Variants in DGKB observed in about 807,000 individuals in gnomAD.
DGKB encodes the protein 90 kDa diacylglycerol kinase.
A neutral mutation model predicts 114.3 loss-of-function variants in DGKB; 67 were observed. The observed-to-expected ratio is 0.59, with a 90% CI of 0.48 to 0.72. DGKB has a LOEUF of 0.72. DGKB is among the 30% of genes least tolerant of loss of function. The pLI, the probability that DGKB is intolerant of heterozygous loss-of-function variation, is 0.00. For missense variants in DGKB, 907 were observed against 975.2 expected (o/e 0.93, Z 0.93); for synonymous variants, 398 against 323.1 (o/e 1.23, Z -2.49).
chr7:14,574,403 G>T, intron 19 of DGKB, 31 bp from the exon 20 acceptor site: 1 of 1,580,172 alleles, frequency 6.3e-7, no homozygotes, highest in Non-Finnish European at 8.6e-7. Flanking sequence ...CTTGAGAAAA[G>T]AACTCTAACC....
At chr7:14,383,842 G>C (rs1488940853) in intron 21 of DGKB, among the ~76,000 whole-genome samples, 1 of 152,138 alleles carries the variant, frequency 6.6e-6, no homozygotes, top group East Asian at 1.9e-4. Context: ...TTCAAATCTG[G>C]GTTCTAATAG....
chr7:14,651,148 G>T (rs1038358049), intron 13 of DGKB, among the ~76,000 whole-genome samples: 62 of 152,226 alleles, frequency 4.1e-4, no homozygotes, highest in African/African-American at 1.3e-3. Context: ...CTCATTTGAT[G>T]AGGCCAGCAT....
intron 13 of DGKB, among the ~76,000 whole-genome samples, chr7:14,642,328 TCTAA>T (rs557317991): frequency 1.6e-3 from 244 of 152,290 alleles, no homozygotes; most frequent in African/African-American, 5.3e-3. Context: ...ATGGCATTCA[TCTAA>T]CTTTTATCTG....
At chr7:14,387,570 G>A (rs1464484997) in intron 21 of DGKB, among the ~76,000 whole-genome samples, 2 of 152,004 alleles carry the variant, frequency 1.3e-5, no homozygotes, top group South Asian at 2.1e-4. Flanking sequence ...GTGCCAACAT[G>A]CTCAGCTAAT....
chr7:14,870,319 T>C (rs1265381586), intron 1 of DGKB, among the ~76,000 whole-genome samples: 1 of 152,158 alleles, frequency 6.6e-6, no homozygotes, highest in Non-Finnish European at 1.5e-5. Flanking sequence ...ATTGAATAAA[T>C]GAGTAAAATG....
intron 5 of DGKB, among the ~76,000 whole-genome samples, chr7:14,726,789 G>C (rs1830097457): frequency 6.6e-6 from 1 of 152,124 alleles, no homozygotes; most frequent in Admixed American, 6.5e-5. Flanking sequence ...GTTTTTGATA[G>C]ATATACAACT....
chr7:14,686,744 C>T (rs1164804981), intron 9 of DGKB, among the ~76,000 whole-genome samples: 1 of 152,010 alleles, frequency 6.6e-6, no homozygotes, highest in Non-Finnish European at 1.5e-5. Context: ...GTCAAATTTG[C>T]CTCACAACAT....
intron 13 of DGKB, among the ~76,000 whole-genome samples, chr7:14,661,325 C>T (rs1228559985): frequency 6.8e-6 from 1 of 146,578 alleles, no homozygotes; most frequent in African/African-American, 2.5e-5. Context: ...GGCTAATATC[C>T]AGAATCTACA....
intron 21 of DGKB, among the ~76,000 whole-genome samples, chr7:14,359,596 C>A (rs1815291425): frequency 6.6e-6 from 1 of 151,632 alleles, no homozygotes; most frequent in South Asian, 2.1e-4. Flanking sequence ...TCAGAATCTA[C>A]AAAGAACTTA....
At chr7:14,809,403 A>C (rs949153602) in intron 2 of DGKB, among the ~76,000 whole-genome samples, 1 of 152,236 alleles carries the variant, frequency 6.6e-6, no homozygotes, top group Non-Finnish European at 1.5e-5. Context: ...GGAGGGAGGA[A>C]GTCATGAAGT....
intron 21 of DGKB, among the ~76,000 whole-genome samples, chr7:14,464,904 C>T (rs1322530597): frequency 1.3e-5 from 2 of 152,130 alleles, no homozygotes; most frequent in African/African-American, 4.8e-5. Flanking sequence ...GAGCACATGA[C>T]ACCACCATGC....
intron 21 of DGKB, among the ~76,000 whole-genome samples, chr7:14,366,931 T>A (rs1166903307): frequency 6.6e-6 from 1 of 152,148 alleles, no homozygotes; most frequent in African/African-American, 2.4e-5. Flanking sequence ...TAGCCTGTAG[T>A]GTAAGGACAA....
chr7:14,541,428 A>C (rs1317131352), intron 20 of DGKB, among the ~76,000 whole-genome samples: 1 of 152,202 alleles, frequency 6.6e-6, no homozygotes, highest in Non-Finnish European at 1.5e-5. Flanking sequence ...CAGCAAATGG[A>C]ACAGGAATGA....
At chr7:14,967,823 C>G (rs7796114) in intron 1 of DGKB, among the ~76,000 whole-genome samples, 18,574 of 151,836 alleles carry the variant, frequency 0.12, 1,269 homozygotes, top group Admixed American at 0.19. Flanking sequence ...TTATGTAAGA[C>G]TAATGAATTG....
chr7:14,702,967 T>A (rs1260397478), intron 6 of DGKB, among the ~76,000 whole-genome samples: 1 of 152,248 alleles, frequency 6.6e-6, no homozygotes, highest in Admixed American at 6.5e-5. Flanking sequence ...AATGTCTGTC[T>A]ATTGACTTAA....
At chr7:14,232,106 T>G (rs949481727) in intron 23 of DGKB, among the ~76,000 whole-genome samples, 2 of 151,970 alleles carry the variant, frequency 1.3e-5, no homozygotes, top group Admixed American at 6.6e-5. Context: ...TTTGCCTCCC[T>G]CTTTTCCTCT....
intron 1 of DGKB, among the ~76,000 whole-genome samples, chr7:14,925,959 G>A (rs190758942): frequency 6.6e-6 from 1 of 152,056 alleles, no homozygotes; most frequent in South Asian, 2.1e-4. Flanking sequence ...AATAAGAGTA[G>A]AGAGAACAGA....
intron 2 of DGKB, among the ~76,000 whole-genome samples, chr7:14,803,819 A>G (rs954504809): frequency 6.6e-6 from 1 of 152,060 alleles, no homozygotes; most frequent in African/African-American, 2.4e-5. Context: ...TTACCCTTAT[A>G]TGCTTAATAC....
At chr7:14,486,571 T>A (rs531204195) in intron 20 of DGKB, among the ~76,000 whole-genome samples, 12 of 152,314 alleles carry the variant, frequency 7.9e-5, no homozygotes, top group African/African-American at 2.6e-4. Flanking sequence ...TCCTCTCATC[T>A]ACTGTGGGGA....
Sources: gnomAD v4.1 joint callset for allele counts (sites outside exome capture counted in the v4.1 genomes callset) on GRCh38, gnomAD v4.1.1 for gene constraint, MANE v1.5 for transcripts, NCBI Gene and HGNC (gene_info 2026-07-23, HGNC 2026-07-21) for gene names.